CDKL1: variants seen among roughly 807,000 people sequenced by gnomAD.
The protein encoded by CDKL1 is cyclin dependent kinase like 1, also known as cyclin-dependent kinase-like 1.
In CDKL1, 41 loss-of-function variants were observed where a neutral mutation model predicts 42.0. The observed-to-expected ratio is 0.98, with a 90% CI of 0.76 to 1.27. The LOEUF is 1.27. CDKL1 is among the 50% of genes most tolerant of loss of function. The probability of loss-of-function intolerance (pLI) is 0.00; values close to 1 mark genes in which losing one functional copy is unlikely to be tolerated. For missense variants in CDKL1, 394 were observed against 428.4 expected (o/e 0.92, Z 0.71); for synonymous variants, 153 against 158.6 (o/e 0.96, Z 0.26).
At chr14:50,358,636 C>CTTTTTTTTTTTTTCTTTTTTTTTTTTTT in intron 3 of CDKL1, among the ~76,000 whole-genome samples, 1 of 67,646 alleles carries the variant, frequency 1.5e-5, no homozygotes. Flanking sequence ...TTTAACTAGT[C>CTTTTTTTTTTTTTCTTTTTTTTTTTTTT]TTTTTTTTTT....
intron 2 of CDKL1, chr14:50,390,501 G>T (rs2035225354): frequency 1.7e-6 from 1 of 602,864 alleles, no homozygotes; most frequent in Admixed American, 4.5e-5. Context: ...TGTATGGTTT[G>T]TATTTGTTTT....
At chr14:50,341,750 C>T (rs1244573416) in intron 5 of CDKL1, among the ~76,000 whole-genome samples, 3 of 147,506 alleles carry the variant, frequency 2.0e-5, no homozygotes, top group African/African-American at 7.5e-5. Context: ...CACTGCACTC[C>T]AGCCTGGGCA....
intron 2 of CDKL1, among the ~76,000 whole-genome samples, chr14:50,374,022 C>T (rs1475077022): frequency 6.6e-6 from 1 of 151,994 alleles, no homozygotes. Context: ...TAGAAGCAAC[C>T]AAGTTGTCTT....
chr14:50,360,739 T>A (rs2034213746), intron 2 of CDKL1, among the ~76,000 whole-genome samples: 1 of 151,930 alleles, frequency 6.6e-6, no homozygotes, highest in South Asian at 2.1e-4. Context: ...ACTTTCAGAT[T>A]TTTGACTAGG....
At chr14:50,364,630 A>G (rs2034387548) in intron 2 of CDKL1, among the ~76,000 whole-genome samples, 1 of 152,144 alleles carries the variant, frequency 6.6e-6, no homozygotes, top group Non-Finnish European at 1.5e-5. Flanking sequence ...CACTTGGACC[A>G]AATTAGGTAA....
Position 50,341,055 on chromosome 14 carries a change from A to G in CDKL1, c.632T>C (p.Leu211Pro), listed in dbSNP as rs1480757325. Residue 211 changes from leucine (L) to proline (P), a missense_variant, in exon 6 of 10, where the codon CTG becomes CCG. Physicochemically the swap from Leu to Pro is moderately conservative, Grantham distance 98. Coordinates refer to ENST00000395834, the MANE Select transcript of CDKL1 (RefSeq NM_004196.7). ...ACCCAAGGTCTTCCTAATCAGATAC[A>G]GCTGATCCACATCCGATTTTCCTGG... ...LWPGKSDVDQLYLIRKTLGDL... is the reference protein window; with the variant it reads ...LWPGKSDVDQPYLIRKTLGDL... The G allele has an allele frequency of 1.2e-6, 2 of 1,613,754 alleles. No individual in the cohort carries two copies. Among genetic ancestry groups the G allele is most frequent in the South Asian group, 2.2e-5 (2 of 91,088 alleles).
chr14:50,326,861 T>G lies in CDKL1; in HGVS notation c.*3213A>C, dbSNP rs112034799. ...TTTGAGACCAATTTGGGCAACACAG[T>G]GAGACCCCATCTCTAAAAAAATTTT... On this transcript the variant is annotated 3_prime_UTR_variant, in exon 10 of 10. Transcript: ENST00000395834. 1.7e-6 allele frequency: 1 copy of G among 599,180 alleles called. No individual in the cohort carries two copies. Among genetic ancestry groups the G allele is most frequent in the Non-Finnish European group, 2.1e-6 (1 of 477,862 alleles). The allele number at this position is 599,180 out of a possible 1,614,324, so 37.1% of individuals were successfully genotyped here.
chr14:50,332,141 T>C, intron 9 of CDKL1, 121 bp downstream of exon 9: 2 of 1,612,338 alleles, frequency 1.2e-6, no homozygotes, highest in Non-Finnish European at 1.7e-6. Flanking sequence ...ATAGATCCTA[T>C]GACCTGTCTC....
chr14:50,336,712 T>G (rs1462459702), intron 7 of CDKL1, among the ~76,000 whole-genome samples: 1 of 152,190 alleles, frequency 6.6e-6, no homozygotes, highest in Non-Finnish European at 1.5e-5. Flanking sequence ...ACCTTAATTA[T>G]GCTCTGAAAT....
At chr14:50,379,548 C>G (rs1415416197) in intron 2 of CDKL1, among the ~76,000 whole-genome samples, 1 of 152,146 alleles carries the variant, frequency 6.6e-6, no homozygotes, top group Non-Finnish European at 1.5e-5. Flanking sequence ...CTTACAGTGG[C>G]AAGGTACATA....
rs1286906987 is a variant in CDKL1, at chr14:50,328,642, G to A, written c.*1432C>T. 1 of 152,080 alleles carries A rather than the reference G, an allele frequency of 6.6e-6. No individual in the cohort carries two copies. Among genetic ancestry groups the A allele is most frequent in the Non-Finnish European group, 1.5e-5 (1 of 68,028 alleles). 9.4% of individuals were successfully genotyped at this position (152,080 alleles called of 1,614,324 possible). Reference sequence around the variant, plus strand: ...GCTTCATATTGCCCTTGTGTCCAGGGGACAAGGATGAAAAAGCTTTTTGAT... The same window carrying A: ...GCTTCATATTGCCCTTGTGTCCAGGAGACAAGGATGAAAAAGCTTTTTGAT... On this transcript the variant is annotated 3_prime_UTR_variant, in exon 10 of 10. Transcript: ENST00000395834.
chr14:50,343,014 AC>A (rs1394668765), intron 4 of CDKL1: 1 of 1,353,412 alleles, frequency 7.4e-7, no homozygotes, highest in Non-Finnish European at 9.8e-7. Flanking sequence ...GACTCAAATC[AC>A]CTGTGGTTTC....
intron 2 of CDKL1, chr14:50,363,012 T>G: frequency 2.2e-6 from 1 of 456,096 alleles, no homozygotes; most frequent in Non-Finnish European, 4.6e-6. Context: ...AGCTTCACTC[T>G]TGAAGCCAGG....
intron 2 of CDKL1, chr14:50,363,849 C>T (rs2034360110): frequency 6.6e-6 from 1 of 152,396 alleles, no homozygotes; most frequent in Admixed American, 6.5e-5. Flanking sequence ...GCTTACCTCT[C>T]CAGCCCCAAC....
chr14:50,361,150 A>C (rs147773136), intron 2 of CDKL1, among the ~76,000 whole-genome samples: 2 of 152,094 alleles, frequency 1.3e-5, no homozygotes, highest in African/African-American at 4.8e-5. Context: ...CAAGCAGGCT[A>C]CTCCATCAGT....
Position 50,332,395 on chromosome 14 carries a change from CAT to C in CDKL1, c.831_832del (p.Cys278Ter). The C allele has an allele frequency of 6.2e-7, 1 of 1,614,098 alleles. No homozygotes were observed. Among genetic ancestry groups the C allele is most frequent in the Non-Finnish European group, 8.5e-7 (1 of 1,180,004 alleles). On this transcript the variant is annotated frameshift_variant, in exon 9 of 10. Transcript: ENST00000395834. LOFTEE classifies it high-confidence loss of function. Reference sequence around the variant, plus strand: ...ATATGGGTGATGCAACAGCTGTTCACATGTCAGCCTTTGAGTAGGGTCCATGT... The same window carrying C: ...ATATGGGTGATGCAACAGCTGTTCACGTCAGCCTTTGAGTAGGGTCCATGT...
intron 7 of CDKL1, 114 bp from the exon 8 acceptor site, chr14:50,334,735 C>CT (rs1421313580): frequency 2.8e-6 from 2 of 710,682 alleles, no homozygotes; most frequent in Non-Finnish European, 5.0e-6. Flanking sequence ...GTCCTCCACC[C>CT]TTTGCCCACC....
chr14:50,382,418 T>G (rs190350615), intron 2 of CDKL1, among the ~76,000 whole-genome samples: 131 of 152,182 alleles, frequency 8.6e-4, no homozygotes, highest in Middle Eastern at 3.4e-3. Context: ...GCCACTGCAC[T>G]CCAGCCTGGG....
intron 3 of CDKL1, among the ~76,000 whole-genome samples, chr14:50,347,237 C>T (rs2033756441): frequency 6.6e-6 from 1 of 152,188 alleles, no homozygotes; most frequent in South Asian, 2.1e-4. Flanking sequence ...TCCCTTTTAG[C>T]TGAAACACTC....
Sources: allele counts gnomAD v4.1 joint callset (sites outside exome capture counted in the v4.1 genomes callset), GRCh38; gene constraint gnomAD v4.1.1; transcripts MANE v1.5; gene names NCBI Gene and HGNC (gene_info 2026-07-23, HGNC 2026-07-21).